Variants in ZBTB49 observed in about 807,000 individuals in gnomAD.
The protein encoded by ZBTB49 is zinc finger and BTB domain-containing protein 49.
ZBTB49 carries 43 observed loss-of-function variants against 57.5 expected under a neutral mutation model. The observed-to-expected ratio is 0.75, with a 90% CI of 0.59 to 0.97. ZBTB49 has a LOEUF of 0.97. Among genes scored for constraint, ZBTB49 ranks in the 50% least tolerant of loss-of-function variants. ZBTB49 has a pLI of 0.00. For missense variants in ZBTB49, 938 were observed against 947.7 expected (o/e 0.99, Z 0.13); for synonymous variants, 369 against 362.1 (o/e 1.02, Z -0.22).
At chr4:4,316,112 C>G in intron 7 of ZBTB49, 142 bp downstream of exon 7, 4 of 1,120,872 alleles carry the variant, frequency 3.6e-6, no homozygotes, top group Non-Finnish European at 5.0e-6. Context: ...ATCTCTCATT[C>G]ATTCCTGCAT....
Position 4,309,036 on chromosome 4 carries a change from G to A in ZBTB49, c.1302+2852G>A, listed in dbSNP as rs371500164. Among the ~76,000 whole-genome samples the A allele has an allele frequency of 3.2e-4, 49 of 152,298 alleles. 1 individual carries two copies. The highest frequency in any genetic ancestry group is 8.9e-4 in the African/African-American group (37 of 41,570). On this transcript the variant is annotated intron_variant, in intron 4 of 7. Coordinates refer to ENST00000337872, the MANE Select transcript of ZBTB49 (RefSeq NM_145291.4). ...AATGCCCACCGGCCCATCCTCCACC[G>A]TATGCCTAACATTATTTTCTTGTAA...
At chr4:4,296,069 A>G (rs6850945) in intron 1 of ZBTB49, among the ~76,000 whole-genome samples, 60,840 of 152,076 alleles carry the variant, frequency 0.4, 14,086 homozygotes, top group Middle Eastern at 0.55. Context: ...AGGAACATCA[A>G]TGTTTGCAAG....
intron 4 of ZBTB49, among the ~76,000 whole-genome samples, chr4:4,310,373 T>C (rs1720932139): frequency 6.6e-6 from 1 of 152,238 alleles, no homozygotes. Context: ...CTCTGTTGAC[T>C]TCTCTGTAAA....
Position 4,321,298 on chromosome 4 carries a change from A to G in ZBTB49, c.2280A>G (p.Glu760=), listed in dbSNP as rs78972423. The G allele has an allele frequency of 6.1e-4, 983 of 1,611,736 alleles. 3 individuals carry two copies. The African/African-American group carries it at 0.012, about 20-fold the overall frequency. Residue 760 remains glutamate (E), a synonymous_variant, in exon 8 of 8, where the codon GAA becomes GAG. Coordinates refer to ENST00000337872, the MANE Select transcript of ZBTB49 (RefSeq NM_145291.4). ...TAGCGATGAAGACGCTGCAGAATGA[A>G]AACGAGTTAGACCAGTGATGTACCG... is the stretch of plus-strand genomic sequence containing the variant. ...WGLAMKTLQN[E]NELDQ is the part of the protein sequence containing the mutation.
At chr4:4,294,168 T>C (rs1720076618) in intron 1 of ZBTB49, among the ~76,000 whole-genome samples, 1 of 152,212 alleles carries the variant, frequency 6.6e-6, no homozygotes, top group Non-Finnish European at 1.5e-5. Context: ...CATTTTTGTT[T>C]ATAATTGACA....
chr4:4,312,541 C>T (rs761450588), intron 4 of ZBTB49, among the ~76,000 whole-genome samples: 7 of 152,316 alleles, frequency 4.6e-5, no homozygotes, highest in Non-Finnish European at 8.8e-5. Context: ...TCAGAAAGAA[C>T]CAAGTGTACT....
rs564823539 is a variant in ZBTB49 at position 4,320,578 on chromosome 4, C to A, written c.1622-62C>A. 2.6e-5 allele frequency: 42 copies of A among 1,589,486 alleles called. No individual in the cohort carries two copies. The East Asian group carries it at 7.0e-4, about 26-fold the overall frequency. On this transcript the variant is annotated intron_variant, in intron 7 of 7. Coordinates refer to ENST00000337872, the MANE Select transcript of ZBTB49 (RefSeq NM_145291.4). ...TTGTTTGAGGCTAGGAGTTCACGACCAGCCTGGGCCACATAGTGAGACCCT... is the reference window on the plus strand; with the variant it reads ...TTGTTTGAGGCTAGGAGTTCACGACAAGCCTGGGCCACATAGTGAGACCCT...
chr4:4,307,985 C>T (rs1395893971), intron 4 of ZBTB49, among the ~76,000 whole-genome samples: 3 of 152,342 alleles, frequency 2.0e-5, no homozygotes, highest in African/African-American at 7.2e-5. Context: ...TGCAGTCCAC[C>T]TCCACTCCTC....
In ZBTB49 at chr4:4,321,583, TG is replaced by T. The variant is rs1274991818; in HGVS notation, c.*274del. 10 of 520,962 alleles carry T rather than the reference TG, an allele frequency of 1.9e-5. No individual in the cohort carries two copies. The highest frequency in any genetic ancestry group is 9.6e-5 in the South Asian group (4 of 41,576). 32.3% of individuals were successfully genotyped at this position (520,962 alleles called of 1,614,324 possible). A position where few individuals can be genotyped will look rare whatever the true frequency, so the allele number is the denominator to read the frequency against. On this transcript the variant is annotated 3_prime_UTR_variant, in exon 8 of 8. Transcript: ENST00000337872. ...GATGCTGTCTCAGCAGCCTCAGCTG[TG>T]GGGGGGAAGCGCGTGTGCATCGTGT...
intron 4 of ZBTB49, among the ~76,000 whole-genome samples, chr4:4,312,215 G>T (rs1269338534): frequency 6.6e-6 from 1 of 151,964 alleles, no homozygotes; most frequent in Non-Finnish European, 1.5e-5. Flanking sequence ...AAATTAAAAT[G>T]AGGAAAATAA....
Position 4,302,458 on chromosome 4 carries a change from A to G in ZBTB49, c.622A>G (p.Lys208Glu). The G allele has an allele frequency of 6.2e-7, 1 of 1,614,244 alleles. No homozygotes were observed. The highest frequency in any genetic ancestry group is 1.1e-5 in the South Asian group (1 of 91,088). The change falls in exon 3 of 8, where the codon AAA becomes GAA. Residue 208 changes from lysine (K) to glutamate (E), a missense_variant. This residue lies in a region of ZBTB49 where 835 missense variants were observed against 819.1 expected (regional missense o/e 1.02). Coordinates refer to ENST00000337872, the MANE Select transcript of ZBTB49 (RefSeq NM_145291.4). ...SDGSCTELPF[K>E]QPNYYYKLRN... ...TGGCAGCTGCACAGAACTGCCTTTC[A>G]AACAGCCAAATTACTATTACAAACT...
Position 4,302,777 on chromosome 4 carries a change from T to G in ZBTB49, c.941T>G (p.Phe314Cys), listed in dbSNP as rs777043657. The stretch of plus-strand genomic sequence containing the variant: ...GCCATTCATCTGAAGAAGCTCAATT[T>G]CCTGAAGTCACAGAAATACGCAGAG... ...KKAIHLKKLN[F>C]LKSQKYAEQV... Residue 314 changes from phenylalanine to cysteine, a missense_variant, in exon 3 of 8, where the codon TTC (phenylalanine) becomes TGC (cysteine). By Grantham distance (205) the Phe-to-Cys change is radical. This residue lies in a region of ZBTB49 where 835 missense variants were observed against 819.1 expected (regional missense o/e 1.02). Transcript: ENST00000337872. 2 of 1,614,066 alleles carry G rather than the reference T, an allele frequency of 1.2e-6. No homozygotes were observed. The highest frequency in any genetic ancestry group is 1.7e-6 in the Non-Finnish European group (2 of 1,180,006).
At chr4:4,306,247 A>T in intron 4 of ZBTB49, 63 bp downstream of exon 4, 1 of 1,392,510 alleles carries the variant, frequency 7.2e-7, no homozygotes, top group Non-Finnish European at 1.0e-6. Context: ...TTTTTATTGG[A>T]AATAAGACAT....
intron 4 of ZBTB49, among the ~76,000 whole-genome samples, 191 bp downstream of exon 4, chr4:4,306,375 A>G (rs1022804061): frequency 6.6e-6 from 1 of 152,220 alleles, no homozygotes; most frequent in African/African-American, 2.4e-5. Flanking sequence ...GAAAAATAGC[A>G]TTTTCATGTG....
chr4:4,298,246 G>A (rs752040053), intron 1 of ZBTB49, among the ~76,000 whole-genome samples: 1 of 152,160 alleles, frequency 6.6e-6, no homozygotes, highest in Non-Finnish European at 1.5e-5. Context: ...GCTGCTAGTA[G>A]TTCACTTTGG....
At chr4:4,298,273 G>T (rs910190540) in intron 1 of ZBTB49, among the ~76,000 whole-genome samples, 3 of 152,198 alleles carry the variant, frequency 2.0e-5, no homozygotes, top group African/African-American at 7.2e-5. Flanking sequence ...CATACTTGGA[G>T]TAATGGGAGA....
chr4:4,299,451 G>A (rs1045962225), intron 1 of ZBTB49, among the ~76,000 whole-genome samples: 2 of 151,888 alleles, frequency 1.3e-5, no homozygotes, highest in African/African-American at 4.8e-5. Flanking sequence ...TGATAAATAT[G>A]GATTTGATCT....
Position 4,302,546 on chromosome 4 carries a change from T to G in ZBTB49, c.710T>G (p.Val237Gly), listed in dbSNP as rs564216129. The change falls in exon 3 of 8, where the codon GTT (valine) becomes GGT (glycine). Residue 237 changes from valine to glycine, a missense_variant. Physicochemically the swap from Val to Gly is moderately radical, Grantham distance 109 (BLOSUM62 -3). Around this residue, in one of 3 missense-constraint regions of ZBTB49, gnomAD observed 835 missense variants for 819.1 expected, o/e 1.02. Transcript: ENST00000337872. ...HAAGPSQERV[V>G]EQPFAFSTST... The stretch of plus-strand genomic sequence containing the variant: ...GCTGGTCCCAGTCAGGAGAGAGTTG[T>G]TGAGCAGCCTTTTGCTTTCAGCACC... 1 of 1,614,056 alleles carries G rather than the reference T, an allele frequency of 6.2e-7. No individual in the cohort carries two copies. The highest frequency in any genetic ancestry group is 2.2e-5 in the East Asian group (1 of 44,882).
chr4:4,304,903 T>G (rs1720671318), intron 3 of ZBTB49, among the ~76,000 whole-genome samples: 2 of 149,560 alleles, frequency 1.3e-5, no homozygotes, highest in Admixed American at 6.8e-5. Flanking sequence ...TCAATAGCTA[T>G]AGCCCATATT....
Sources: gnomAD v4.1 joint callset for allele counts (sites outside exome capture counted in the v4.1 genomes callset) on GRCh38, gnomAD v4.1.1 for gene constraint, gnomAD v4.1.1 regional missense constraint, MANE v1.5 for transcripts, NCBI Gene and HGNC (gene_info 2026-07-23, HGNC 2026-07-21) for gene names.